PCDHA5: variants seen among roughly 807,000 people sequenced by gnomAD.
PCDHA5 encodes protocadherin alpha 5.
In PCDHA5, 43 loss-of-function variants were observed where a neutral mutation model predicts 61.6. The observed-to-expected ratio is 0.70, with a 90% CI of 0.55 to 0.90. PCDHA5 has a LOEUF of 0.90. PCDHA5 is among the 40% of genes least tolerant of loss of function. The pLI is 0.00. For synonymous variants in PCDHA5, 627 were observed against 543.9 expected (o/e 1.15, Z -2.13); for missense variants, 1,298 against 1,222.7 (o/e 1.06, Z -0.92).
At chr5:140,853,682 A>C in intron 1 of PCDHA5, 5 of 988,426 alleles carry the variant, frequency 5.1e-6, no homozygotes, top group Non-Finnish European at 6.1e-6. Context: ...TGGTCAACCT[A>C]TCCTTAGACC....
intron 1 of PCDHA5, chr5:140,928,085 T>G: frequency 1.9e-6 from 3 of 1,614,236 alleles, no homozygotes; most frequent in Non-Finnish European, 8.5e-7. Flanking sequence ...TACAGCCTGC[T>G]GATTGATGGG....
intron 1 of PCDHA5, among the ~76,000 whole-genome samples, chr5:140,847,064 A>G (rs1159869188): frequency 1.3e-5 from 2 of 149,866 alleles, no homozygotes; most frequent in Non-Finnish European, 3.0e-5. Flanking sequence ...AGAAAGCATC[A>G]ATATGACAAG....
At chr5:140,993,321 G>A (rs1021026330) in intron 3 of PCDHA5, among the ~76,000 whole-genome samples, 58 of 152,134 alleles carry the variant, frequency 3.8e-4, no homozygotes, top group African/African-American at 5.3e-4. Context: ...TACCTTCTAA[G>A]TGTTTGTGAT....
At chr5:140,903,386 T>C (rs1053060392) in intron 1 of PCDHA5, among the ~76,000 whole-genome samples, 3 of 152,222 alleles carry the variant, frequency 2.0e-5, no homozygotes, top group Non-Finnish European at 4.4e-5. Context: ...TTGTGGTTAC[T>C]TCTAGAAACA....
chr5:140,933,130 AAGGTAGAT>A (rs1554209200), intron 1 of PCDHA5, among the ~76,000 whole-genome samples: 1 of 151,994 alleles, frequency 6.6e-6, no homozygotes, highest in East Asian at 1.9e-4. Context: ...CTAAATAATA[AAGGTAGAT>A]AGCCACTCAT....
chr5:140,884,703 A>T, intron 1 of PCDHA5: 3 of 1,495,534 alleles, frequency 2.0e-6, no homozygotes, highest in Non-Finnish European at 2.7e-6. Flanking sequence ...TAAACACTTT[A>T]GCCTTCCTTG....
chr5:140,824,615 T>TTG (rs1554129952), intron 1 of PCDHA5: 1 of 126,010 alleles, frequency 7.9e-6, no homozygotes, highest in Non-Finnish European at 1.6e-5. Context: ...TTAAAGTTTT[T>TTG]TTTTTTTTTT....
rs147351924 is a variant in PCDHA5, at chr5:141,009,782, C to T, written c.2656C>T (p.Arg886Trp). 27 of 1,613,956 alleles carry T rather than the reference C, an allele frequency of 1.7e-5. No homozygotes were observed. The highest frequency in any genetic ancestry group is 9.9e-5 in the South Asian group (9 of 91,070). ...AGGATCTCCTGCAATCATCTCCATCCGGCAGGAGCCTACTAACAGCCAAAT... is the reference window on the plus strand; with the variant it reads ...AGGATCTCCTGCAATCATCTCCATCTGGCAGGAGCCTACTAACAGCCAAAT... ...IPGSPAIISI[R>W]QEPTNSQIDK... is the part of the protein sequence containing the mutation. The change falls in exon 4 of 4, where the codon CGG becomes TGG. Residue 886 changes from arginine (R) to tryptophan (W), a missense_variant. Coordinates refer to ENST00000529859, the MANE Select transcript of PCDHA5 (RefSeq NM_018908.3).
At chr5:140,960,515 A>G (rs1445432467) in intron 1 of PCDHA5, among the ~76,000 whole-genome samples, 1 of 152,182 alleles carries the variant, frequency 6.6e-6, no homozygotes, top group Non-Finnish European at 1.5e-5. Flanking sequence ...AGCAAACATA[A>G]TGGGTATAGG....
Position 140,928,606 on chromosome 5 carries a change from C to T in PCDHA5, c.2353-50343C>T, listed in dbSNP as rs782809256. ...TTCTGTCCCAGTGGAAATTGTGCCC[C>T]GCTCTGCCAGGACTGGACACTTGGT... On this transcript the variant is annotated intron_variant, in intron 1 of 3. Coordinates refer to ENST00000529859, the MANE Select transcript of PCDHA5 (RefSeq NM_018908.3). 7.4e-6 allele frequency: 12 copies of T among 1,614,204 alleles called. No homozygotes were observed. In the South Asian group the frequency reaches 1.2e-4, roughly 16 times the overall value.
At chr5:141,001,314 T>A (rs34374778) in intron 3 of PCDHA5, among the ~76,000 whole-genome samples, 7,675 of 152,288 alleles carry the variant, frequency 0.05, 243 homozygotes, top group South Asian at 0.11. Flanking sequence ...TGAAATAATT[T>A]GCCAAACATC....
intron 3 of PCDHA5, among the ~76,000 whole-genome samples, chr5:140,988,674 T>C (rs1221039125): frequency 1.3e-5 from 2 of 152,240 alleles, no homozygotes; most frequent in Non-Finnish European, 2.9e-5. Context: ...GACTCTAAGA[T>C]AATTCTTTCC....
At chr5:140,963,346 A>G (rs2095758163) in intron 1 of PCDHA5, among the ~76,000 whole-genome samples, 1 of 152,236 alleles carries the variant, frequency 6.6e-6, no homozygotes, top group Non-Finnish European at 1.5e-5. Flanking sequence ...TTGTAAATTT[A>G]GTTCTTTTCA....
intron 1 of PCDHA5, chr5:140,968,996 G>T: frequency 1.2e-6 from 2 of 1,614,202 alleles, no homozygotes; most frequent in Non-Finnish European, 1.7e-6. Flanking sequence ...ATGCTGTGGA[G>T]GCTTCTGTGG....
In PCDHA5 at chr5:140,884,393, A is replaced by T. The variant is rs782150859; in HGVS notation, c.2352+60266A>T. 6.8e-6 allele frequency: 11 copies of T among 1,613,878 alleles called. No individual in the cohort carries two copies. In the South Asian group the frequency reaches 1.1e-4, roughly 16 times the overall value. On this transcript the variant is annotated intron_variant, in intron 1 of 3. Transcript: ENST00000529859. Reference sequence around the variant, plus strand: ...GATCATTGCCATCTGCGCGGTGTCCAGCCTGTTGGTGCTCACGTTGCTGCT... The same window carrying T: ...GATCATTGCCATCTGCGCGGTGTCCTGCCTGTTGGTGCTCACGTTGCTGCT...
At chr5:140,966,747 C>T (rs2096048243) in intron 1 of PCDHA5, 3 of 1,426,904 alleles carry the variant, frequency 2.1e-6, no homozygotes, top group Admixed American at 5.5e-5. Flanking sequence ...GCCCGGCTGC[C>T]TCCGCCGCGG....
chr5:140,823,942 T>C lies in PCDHA5; in HGVS notation c.2167T>C (p.Ser723Pro). Residue 723 changes from serine (S) to proline (P), a missense_variant, in exon 1 of 4, where the codon TCG becomes CCG. Ser to Pro is a moderately conservative substitution (Grantham distance 74). Coordinates refer to ENST00000529859, the MANE Select transcript of PCDHA5 (RefSeq NM_018908.3). Reference protein sequence around the residue: ...TLLLYTALRCSAQPTEAVCTR... With the variant: ...TLLLYTALRCPAQPTEAVCTR... ...GCTGCTGTACACCGCGCTGCGGTGC[T>C]CGGCGCAGCCCACCGAGGCCGTGTG... The C allele has an allele frequency of 6.2e-7, 1 of 1,613,786 alleles. No homozygotes were observed.
At chr5:140,827,788 C>T (rs2150149123) in intron 1 of PCDHA5, among the ~76,000 whole-genome samples, 76 of 152,218 alleles carry the variant, frequency 5.0e-4, no homozygotes, top group Admixed American at 1.5e-3. Flanking sequence ...TAACACTGAC[C>T]GTGCAAATTA....
At position 140,853,168 on chromosome 5, in the gene PCDHA5, C is replaced by T. The variant is rs2150529261; in HGVS notation, c.2352+29041C>T. 37 of 960,760 alleles carry T rather than the reference C, an allele frequency of 3.9e-5. 1 individual carries two copies. Among genetic ancestry groups the T allele is most frequent in the Admixed American group, 1.3e-4 (2 of 15,838 alleles). 59.5% of individuals were successfully genotyped at this position (960,760 alleles called of 1,614,324 possible). On this transcript the variant is annotated intron_variant, in intron 1 of 3. Transcript: ENST00000529859. ...TGCTGGGATTACAGGCGTGAGCCAC[C>T]GCGCCTGGCCTAAAATGTGTTCTTT... is the stretch of plus-strand genomic sequence containing the variant.
Sources: gnomAD v4.1 joint callset for allele counts (sites outside exome capture counted in the v4.1 genomes callset) on GRCh38, gnomAD v4.1.1 for gene constraint, MANE v1.5 for transcripts, NCBI Gene and HGNC (gene_info 2026-07-23, HGNC 2026-07-21) for gene names.